The following CYP2J2 variants were observed in gnomAD, a reference collection of about 807,000 sequenced individuals.
CYP2J2 encodes cytochrome P450 family 2 subfamily J member 2, also known as cytochrome P450 2J2.
CYP2J2 carries 41 observed loss-of-function variants against 48.8 expected under a neutral mutation model. The ratio of observed to expected loss-of-function variants is 0.84; its 90% confidence interval spans 0.66 to 1.09. The LOEUF (loss-of-function observed/expected upper bound fraction) is 1.09, where lower values mean the gene tolerates loss of function less well. Ranked by LOEUF, CYP2J2 falls within the 50% of genes least tolerant of loss-of-function variation. CYP2J2 has a pLI of 0.00. For missense variants in CYP2J2, 644 were observed against 617.3 expected, an observed-to-expected ratio of 1.04 and a Z score of -0.46; for synonymous variants, 221 against 227.1, an observed-to-expected ratio of 0.97 and a Z score of 0.24.
At chr1:59,965,511 G>A in the CYP2J2 span, among the ~76,000 whole-genome samples, 2 of 152,274 alleles carry the variant, frequency 1.3e-5, no homozygotes, top group East Asian at 1.9e-4. Context: ...GCCCAGCTTC[G>A]GCAAAGTTGA....
intron 1 of CYP2J2, among the ~76,000 whole-genome samples, chr1:59,923,900 G>C (rs978841109): frequency 6.6e-5 from 10 of 152,142 alleles, no homozygotes; most frequent in African/African-American, 2.4e-4. Flanking sequence ...TTTGAAGAAA[G>C]AGTGGCAGAA....
chr1:59,936,951 A>C, the CYP2J2 span, among the ~76,000 whole-genome samples: 1 of 152,380 alleles, frequency 6.6e-6, no homozygotes, highest in South Asian at 2.1e-4. Context: ...TGGTTTATAA[A>C]AAGCAATGAG....
rs1335200136 is a variant in CYP2J2, at chr1:59,893,792, A to T, written c.1368T>A (p.Thr456=). The change falls in exon 9 of 9, where the codon ACT becomes ACA. Residue 456 remains threonine, a synonymous_variant. Coordinates refer to ENST00000371204, the MANE Select transcript of CYP2J2 (RefSeq NM_000775.4). ...GGGAAGTGAAGAAAATAAACAGCTCAGTCCTGGCCAACTGTTCTCCGAGGC... is the reference window on the plus strand; with the variant it reads ...GGGAAGTGAAGAAAATAAACAGCTCTGTCCTGGCCAACTGTTCTCCGAGGC... The part of the protein sequence containing the change: ...RACLGEQLAR[T]ELFIFFTSLM... 6.2e-7 allele frequency: 1 copy of T among 1,611,800 alleles called. No homozygotes were observed. Among genetic ancestry groups the T allele is most frequent in the Non-Finnish European group, 8.5e-7 (1 of 1,179,178 alleles).
the CYP2J2 span, among the ~76,000 whole-genome samples, chr1:59,946,328 G>A: frequency 6.6e-6 from 1 of 152,180 alleles, no homozygotes; most frequent in South Asian, 2.1e-4. Context: ...ATAGCTGTAT[G>A]TCCTTTTTCC....
chr1:59,963,388 A>G, the CYP2J2 span, among the ~76,000 whole-genome samples: 1 of 152,178 alleles, frequency 6.6e-6, no homozygotes, highest in African/African-American at 2.4e-5. Flanking sequence ...ACCTCTAATC[A>G]ACTTTCTGTG....
At chr1:59,942,728 G>A in the CYP2J2 span, among the ~76,000 whole-genome samples, 3 of 152,124 alleles carry the variant, frequency 2.0e-5, no homozygotes, top group Admixed American at 1.3e-4. Flanking sequence ...AGCAGTAGCA[G>A]AGGGAGGGAA....
At chr1:59,924,771 CAAAAT>C (rs937781085) in intron 1 of CYP2J2, among the ~76,000 whole-genome samples, 4 of 151,288 alleles carry the variant, frequency 2.6e-5, no homozygotes, top group African/African-American at 4.8e-5. Flanking sequence ...ACAGGAAAAA[CAAAAT>C]AAATAATAAA....
chr1:59,952,122 A>T, the CYP2J2 span, among the ~76,000 whole-genome samples: 1 of 152,124 alleles, frequency 6.6e-6, no homozygotes, highest in Non-Finnish European at 1.5e-5. Flanking sequence ...AGAGTGAATG[A>T]CAGAAGCATC....
intron 2 of CYP2J2, chr1:59,912,569 AT>A (rs1644427700): frequency 5.7e-6 from 2 of 350,992 alleles, no homozygotes; most frequent in East Asian, 9.7e-5. Flanking sequence ...GATAGGTACA[AT>A]TATTACCACC....
chr1:59,963,974 A>G, the CYP2J2 span, among the ~76,000 whole-genome samples: 1 of 149,598 alleles, frequency 6.7e-6, no homozygotes, highest in East Asian at 1.9e-4. Context: ...GACAATGACC[A>G]TAGTTTATCA....
chr1:59,905,458 A>G (rs112491409), intron 6 of CYP2J2, among the ~76,000 whole-genome samples: 7 of 152,192 alleles, frequency 4.6e-5, no homozygotes, highest in African/African-American at 1.7e-4. Context: ...ATTACCTCCC[A>G]AAGGCCCCAC....
intron 1 of CYP2J2, among the ~76,000 whole-genome samples, chr1:59,919,582 GA>G (rs60571420): frequency 1.0e-4 from 15 of 150,512 alleles, no homozygotes; most frequent in South Asian, 2.1e-4. Flanking sequence ...ATCCAATAAA[GA>G]AAAAAAAATA....
chr1:59,898,266 T>C (rs1644286643), intron 8 of CYP2J2, among the ~76,000 whole-genome samples: 1 of 152,224 alleles, frequency 6.6e-6, no homozygotes. Flanking sequence ...GGTGTGTCAG[T>C]TCCCAGTCTG....
the CYP2J2 span, among the ~76,000 whole-genome samples, chr1:59,955,479 G>A: frequency 6.6e-6 from 1 of 151,906 alleles, no homozygotes; most frequent in East Asian, 1.9e-4. Flanking sequence ...AATCTAAGGG[G>A]ACATTTTGAC....
chr1:59,912,006 A>G (rs1644420846), intron 3 of CYP2J2, among the ~76,000 whole-genome samples, 156 bp downstream of exon 3: 1 of 152,128 alleles, frequency 6.6e-6, no homozygotes, highest in Non-Finnish European at 1.5e-5. Flanking sequence ...TTGTGTATTT[A>G]CTTCTAAAAC....
At chr1:59,914,468 ACTTTTCCCCAACCT>A (rs1254185232) in intron 2 of CYP2J2, among the ~76,000 whole-genome samples, 1 of 152,148 alleles carries the variant, frequency 6.6e-6, no homozygotes, top group African/African-American at 2.4e-5. Context: ...TTAATTTGTA[ACTTTTCCCCAACCT>A]CTTTGCCCCA....
the CYP2J2 span, among the ~76,000 whole-genome samples, chr1:59,943,934 A>G: frequency 4.6e-5 from 7 of 152,190 alleles, no homozygotes; most frequent in Non-Finnish European, 7.3e-5. Flanking sequence ...TGGGAGTTGA[A>G]GTGGAGACAG....
the CYP2J2 span, among the ~76,000 whole-genome samples, chr1:59,967,003 A>G: frequency 0.011 from 1,729 of 152,124 alleles, 29 homozygotes; most frequent in African/African-American, 0.039. Flanking sequence ...CAAACAAATC[A>G]TTTTACTTTT....
chr1:59,926,454 C>A (rs1644564928), intron 1 of CYP2J2, 83 bp downstream of exon 1: 1 of 1,203,632 alleles, frequency 8.3e-7, no homozygotes, highest in Non-Finnish European at 1.2e-6. Context: ...CATCCCCCAC[C>A]CCACCCACGT....
Sources: allele counts gnomAD v4.1 joint callset (sites outside exome capture counted in the v4.1 genomes callset), GRCh38; gene constraint gnomAD v4.1.1; transcripts MANE v1.5; gene names NCBI Gene and HGNC (gene_info 2026-07-23, HGNC 2026-07-21).